SMYD3: variants seen among roughly 807,000 people sequenced by gnomAD.
SMYD3 encodes the protein SET and MYND domain containing 3.
A neutral mutation model predicts 57.7 loss-of-function variants in SMYD3; 36 were observed. The ratio of observed to expected loss-of-function variants is 0.62; its 90% CI spans 0.48 to 0.82. The LOEUF (loss-of-function observed/expected upper bound fraction) is 0.82. Ranked by LOEUF, SMYD3 falls within the 40% of genes least tolerant of loss-of-function variation. The pLI, the probability that SMYD3 is intolerant of heterozygous loss-of-function variation, is 0.00. For missense variants in SMYD3, 515 were observed against 538.8 expected (o/e 0.96, Z 0.44); for synonymous variants, 211 against 195.0 (o/e 1.08, Z -0.68).
chr1:245,921,366 T>C (rs550129287), intron 7 of SMYD3, among the ~76,000 whole-genome samples: 106 of 152,148 alleles, frequency 7.0e-4, no homozygotes, highest in African/African-American at 2.4e-3. Flanking sequence ...TGAAAGCAGT[T>C]TGGAGAGGAG....
At chr1:246,138,392 T>C (rs12760968) in intron 5 of SMYD3, among the ~76,000 whole-genome samples, 1,925 of 151,526 alleles carry the variant, frequency 0.013, 34 homozygotes, top group African/African-American at 0.044. Context: ...GGTCAGTTCA[T>C]CTCTTCCTAT....
At chr1:245,885,090 C>G (rs879605546) in intron 8 of SMYD3, among the ~76,000 whole-genome samples, 2 of 152,154 alleles carry the variant, frequency 1.3e-5, no homozygotes, top group Admixed American at 6.5e-5. Context: ...GAAGAACAAA[C>G]AACTCTGTAC....
intron 5 of SMYD3, among the ~76,000 whole-genome samples, chr1:246,127,963 T>G (rs1181586221): frequency 6.6e-6 from 1 of 151,756 alleles, no homozygotes; most frequent in African/African-American, 2.4e-5. Context: ...CTAAAATGAG[T>G]GTAAACATAG....
At chr1:246,003,616 C>G (rs1237173362) in intron 5 of SMYD3, among the ~76,000 whole-genome samples, 1 of 152,156 alleles carries the variant, frequency 6.6e-6, no homozygotes, top group African/African-American at 2.4e-5. Flanking sequence ...ATAAGAAATA[C>G]ATTGCCTTTA....
chr1:246,107,056 T>C (rs2061137311), intron 5 of SMYD3, among the ~76,000 whole-genome samples: 2 of 150,836 alleles, frequency 1.3e-5, no homozygotes, highest in Non-Finnish European at 2.9e-5. Flanking sequence ...TCCCAGCACT[T>C]TGGGAGGCTG....
At chr1:246,019,780 C>CAT (rs1234828241) in intron 5 of SMYD3, among the ~76,000 whole-genome samples, 1 of 151,810 alleles carries the variant, frequency 6.6e-6, no homozygotes, top group Non-Finnish European at 1.5e-5. Context: ...TATATACATA[C>CAT]ATATATATAA....
Position 246,255,983 on chromosome 1 carries a change from T to C in SMYD3, c.531+71218A>G, listed in dbSNP as rs374253386. Among the ~76,000 whole-genome samples the C allele has an allele frequency of 1.9e-3, 257 of 138,090 alleles. 1 individual carries two copies. The highest frequency in any genetic ancestry group is 0.011 in the Middle Eastern group (3 of 280). 90.6% of individuals were successfully genotyped at this position (138,090 alleles called of 152,430 possible). ...ATAGATAGATAGATAGATAGATAGA[T>C]AGATACACACACACATACATACATA... On this transcript the variant is annotated intron_variant, in intron 5 of 11. Coordinates refer to ENST00000490107, the MANE Select transcript of SMYD3 (RefSeq NM_001167740.2).
At chr1:245,892,771 T>G (rs1041102960) in intron 8 of SMYD3, among the ~76,000 whole-genome samples, 1 of 152,206 alleles carries the variant, frequency 6.6e-6, no homozygotes, top group African/African-American at 2.4e-5. Flanking sequence ...CCTAAAACTA[T>G]AAAATCTAAT....
intron 5 of SMYD3, among the ~76,000 whole-genome samples, chr1:246,063,264 A>G (rs4445429): frequency 0.64 from 97,667 of 152,036 alleles, 33,041 homozygotes; most frequent in Non-Finnish European, 0.75. Context: ...CCTCCTACAA[A>G]AAGCTGTGAT....
At chr1:246,166,565 A>C (rs2062215604) in intron 5 of SMYD3, among the ~76,000 whole-genome samples, 1 of 152,090 alleles carries the variant, frequency 6.6e-6, no homozygotes, top group African/African-American at 2.4e-5. Flanking sequence ...TTAATTCTTA[A>C]AGGCTGTTGG....
At chr1:246,120,010 C>G (rs34250942) in intron 5 of SMYD3, among the ~76,000 whole-genome samples, 21,826 of 152,078 alleles carry the variant, frequency 0.14, 2,064 homozygotes, top group African/African-American at 0.26. Flanking sequence ...GGAAATTGGT[C>G]TATTTTTATG....
At chr1:246,339,373 A>G (rs920443592) in intron 2 of SMYD3, among the ~76,000 whole-genome samples, 1 of 152,164 alleles carries the variant, frequency 6.6e-6, no homozygotes, top group African/African-American at 2.4e-5. Flanking sequence ...CTTTTTCCTT[A>G]TATTCCAATT....
intron 5 of SMYD3, among the ~76,000 whole-genome samples, chr1:246,088,736 C>T (rs2060770840): frequency 1.3e-5 from 2 of 152,050 alleles, no homozygotes; most frequent in African/African-American, 4.8e-5. Flanking sequence ...AGTACAATAT[C>T]CCCAAAAGTT....
chr1:246,151,349 T>A (rs2061938773), intron 5 of SMYD3, among the ~76,000 whole-genome samples: 1 of 152,102 alleles, frequency 6.6e-6, no homozygotes, highest in African/African-American at 2.4e-5. Flanking sequence ...GACTTCCTGT[T>A]AGATAATGAA....
At chr1:246,209,835 C>A (rs2063060143) in intron 5 of SMYD3, among the ~76,000 whole-genome samples, 1 of 152,134 alleles carries the variant, frequency 6.6e-6, no homozygotes, top group Non-Finnish European at 1.5e-5. Context: ...TAGTCTGACT[C>A]TAGTGAATCA....
chr1:246,229,737 T>C (rs1158264160), intron 5 of SMYD3, among the ~76,000 whole-genome samples: 3 of 152,206 alleles, frequency 2.0e-5, no homozygotes, highest in East Asian at 1.9e-4. Flanking sequence ...ATCCCACCCA[T>C]GAGGGTGGAA....
intron 5 of SMYD3, among the ~76,000 whole-genome samples, chr1:245,950,248 T>C (rs539860589): frequency 3.0e-4 from 45 of 152,286 alleles, no homozygotes; most frequent in African/African-American, 1.1e-3. Flanking sequence ...ATATTTCCTC[T>C]TGGTAATTTT....
intron 5 of SMYD3, among the ~76,000 whole-genome samples, chr1:245,997,911 G>T (rs975655663): frequency 1.3e-5 from 2 of 152,230 alleles, no homozygotes; most frequent in African/African-American, 4.8e-5. Context: ...TCTGGCAGAT[G>T]CTCAGACAAG....
intron 5 of SMYD3, among the ~76,000 whole-genome samples, chr1:246,060,582 A>ATTTTTTTTTTTTTTTTT (rs1558191811): frequency 2.0e-5 from 3 of 152,176 alleles, no homozygotes; most frequent in Admixed American, 2.0e-4. Flanking sequence ...CATTTTAATA[A>ATTTTTTTTTTTTTTTTT]ATTTTTATGA....
Sources: allele counts gnomAD v4.1 joint callset (sites outside exome capture counted in the v4.1 genomes callset), GRCh38; gene constraint gnomAD v4.1.1; transcripts MANE v1.5; gene names NCBI Gene and HGNC (gene_info 2026-07-23, HGNC 2026-07-21).